Variants in CARD8 observed in about 807,000 individuals in gnomAD.
CARD8 encodes the protein caspase recruitment domain family member 8.
CARD8 carries 38 observed loss-of-function variants against 53.2 expected under a neutral mutation model. That is an observed-to-expected ratio of 0.71 (90% confidence interval 0.55 to 0.94). CARD8 has a LOEUF of 0.94. Ranked by LOEUF, CARD8 falls within the 40% of genes least tolerant of loss-of-function variation. The pLI is 0.00. For synonymous variants in CARD8, 245 were observed against 244.9 expected (o/e 1.00, Z 0.00); for missense variants, 561 against 655.5 (o/e 0.86, Z 1.57).
downstream of CARD8, among the ~76,000 whole-genome samples, chr19:48,206,745 C>A (rs2123537254): frequency 6.6e-6 from 1 of 152,256 alleles, no homozygotes; most frequent in South Asian, 2.1e-4. Flanking sequence ...TAAATCTGTG[C>A]TTTCGTTACT....
chr19:48,238,393 T>C lies in CARD8; in HGVS notation c.199A>G (p.Thr67Ala). 6.5e-7 allele frequency: 1 copy of C among 1,535,964 alleles called. No individual in the cohort carries two copies. The highest frequency in any genetic ancestry group is 1.2e-5 in the South Asian group (1 of 84,006). The part of the protein sequence containing the change: ...GIFFQAEACV[T>A]NDTVYRELPC... ...ATAGATGTCCCTTACGTATCATTTG[T>C]CACACAGGCCTCAGCCTGAAAAAAA... Residue 67 changes from threonine (T) to alanine (A), a missense_variant, in exon 5 of 14, where the codon ACA (threonine) becomes GCA (alanine). Thr to Ala is a moderately conservative substitution (Grantham distance 58). Transcript: ENST00000651546.
downstream of CARD8, among the ~76,000 whole-genome samples, chr19:48,206,006 T>C (rs1186656946): frequency 6.6e-6 from 1 of 152,128 alleles, no homozygotes; most frequent in Non-Finnish European, 1.5e-5. Context: ...CAAGCAATTC[T>C]CCTGCCTCAG....
At chr19:48,204,437 G>A (rs904133467), downstream of CARD8, among the ~76,000 whole-genome samples, 16 of 152,058 alleles carry the variant, frequency 1.1e-4, no homozygotes, top group African/African-American at 3.9e-4. Flanking sequence ...GGAGATTTGG[G>A]GAGATCATTG....
At chr19:48,246,269 G>A (rs1409588814) in intron 3 of CARD8, among the ~76,000 whole-genome samples, 6 of 152,210 alleles carry the variant, frequency 3.9e-5, no homozygotes, top group South Asian at 2.1e-4. Context: ...AACATGCCCC[G>A]TCCTTTTTGG....
chr19:48,205,623 T>C (rs1434252073), downstream of CARD8, among the ~76,000 whole-genome samples: 4 of 152,166 alleles, frequency 2.6e-5, no homozygotes, highest in African/African-American at 7.2e-5. Flanking sequence ...AACATTCCTA[T>C]GAGGTAGCGT....
intron 5 of CARD8, among the ~76,000 whole-genome samples, chr19:48,235,834 A>G (rs1039879042): frequency 1.3e-5 from 2 of 152,214 alleles, no homozygotes; most frequent in African/African-American, 4.8e-5. Flanking sequence ...ATCATTGACA[A>G]AAAAGGAAAG....
intron 7 of CARD8, chr19:48,232,056 C>A: frequency 1.7e-6 from 1 of 591,528 alleles, no homozygotes. Context: ...GGCTGGACAG[C>A]TTTGGTGGGA....
At position 48,208,983 on chromosome 19, in the gene CARD8, C is replaced by CAAAAAAAAAA. The variant is rs61047810; in HGVS notation, c.*2717_*2726dup. The CAAAAAAAAAA allele has an allele frequency of 2.1e-5, 1 of 48,136 alleles. No homozygotes were observed. Among genetic ancestry groups the CAAAAAAAAAA allele is most frequent in the Non-Finnish European group, 3.6e-5 (1 of 27,666 alleles). 3.0% of individuals were successfully genotyped at this position (48,136 alleles called of 1,614,324 possible). A position where few individuals can be genotyped will look rare whatever the true frequency, so the allele number is the denominator to read the frequency against. On this transcript the variant is annotated 3_prime_UTR_variant, in exon 14 of 14. Transcript: ENST00000651546. The stretch of plus-strand genomic sequence containing the variant: ...TAGATGACAGAGCGAGACTCCATCT[C>CAAAAAAAAAA]AAAAAAAAAAAAAAAAAAAAAAAAA...
Position 48,238,467 on chromosome 19 carries a change from A to G in CARD8, c.125T>C (p.Leu42Pro). 6.5e-7 allele frequency: 1 copy of G among 1,536,344 alleles called. No homozygotes were observed. Among genetic ancestry groups the G allele is most frequent in the Middle Eastern group, 1.7e-4 (1 of 5,994 alleles). The change falls in exon 5 of 14, where the codon CTG (leucine) becomes CCG (proline). Residue 42 changes from leucine (L) to proline (P), a missense_variant. Coordinates refer to ENST00000651546, the MANE Select transcript of CARD8 (RefSeq NM_001184900.3). The stretch of plus-strand genomic sequence containing the variant: ...TTCCCGTATGCTATTGTCAACCAAC[A>G]GTTTCCGTGATCCTTGTAGTCTAAT... ...KLIRLQGSRK[L>P]LVDNSIRELQ... is the part of the protein sequence containing the mutation.
chr19:48,204,304 G>GA (rs1275604511), downstream of CARD8: 97 of 418,434 alleles, frequency 2.3e-4, 1 homozygote, highest in Middle Eastern at 1.7e-3. Flanking sequence ...AACAGCCTGG[G>GA]AACTGGAGGG....
intron 11 of CARD8, among the ~76,000 whole-genome samples, chr19:48,220,498 G>A (rs2040260046): frequency 6.6e-6 from 1 of 152,156 alleles, no homozygotes. Flanking sequence ...AAATCACTGG[G>A]ATGTGTTTTC....
chr19:48,212,706 A>G (rs1390731325), intron 13 of CARD8, among the ~76,000 whole-genome samples: 4 of 152,138 alleles, frequency 2.6e-5, no homozygotes, highest in African/African-American at 9.7e-5. Context: ...CACATCCTAA[A>G]CATTATATTT....
At chr19:48,238,176 C>T in intron 5 of CARD8, 2 of 858,152 alleles carry the variant, frequency 2.3e-6, no homozygotes, top group Non-Finnish European at 1.7e-6. Context: ...CAGGTGTGAG[C>T]CACTGGGCTC....
intron 1 of CARD8, among the ~76,000 whole-genome samples, chr19:48,251,499 T>A (rs2046936652): frequency 6.6e-6 from 1 of 152,212 alleles, no homozygotes; most frequent in Admixed American, 6.5e-5. Flanking sequence ...TTCACATCAC[T>A]GAAACCGTAG....
At chr19:48,223,303 C>CA (rs576645325) in intron 10 of CARD8, among the ~76,000 whole-genome samples, 7,089 of 106,776 alleles carry the variant, frequency 0.066, 492 homozygotes, top group African/African-American at 0.2. Context: ...GACTCTGTCT[C>CA]AAAAAAAAAA....
rs570497883 is a variant in CARD8, at chr19:48,214,950, G to A, written c.1348+390C>T. On this transcript the variant is annotated intron_variant, in intron 13 of 13. Transcript: ENST00000651546. ...ACCACAGGTGCCCACCACCACGCCC[G>A]GCTAATTTTTTGTATTTAAGTAGAG... 4.9e-3 allele frequency among the ~76,000 whole-genome samples: 740 copies of A among 151,544 alleles called. 7 individuals are homozygous for A. The highest frequency in any genetic ancestry group is 0.017 in the African/African-American group (714 of 41,234).
chr19:48,248,982 G>C (rs990529553), intron 3 of CARD8, among the ~76,000 whole-genome samples: 1 of 152,240 alleles, frequency 6.6e-6, no homozygotes, highest in East Asian at 1.9e-4. Flanking sequence ...CGGATCACCT[G>C]AGATCAGGAG....
chr19:48,221,008 A>AGAAAAAGAAAG (rs1555806506), intron 11 of CARD8, among the ~76,000 whole-genome samples: 5 of 122,040 alleles, frequency 4.1e-5, no homozygotes, highest in African/African-American at 7.0e-5. Flanking sequence ...GAAAGAAAGA[A>AGAAAAAGAAAG]AAAGAAAGAA....
intron 10 of CARD8, among the ~76,000 whole-genome samples, chr19:48,224,993 T>A (rs1291963942): frequency 1.3e-5 from 2 of 151,846 alleles, no homozygotes; most frequent in Non-Finnish European, 2.9e-5. Context: ...GCCCTCGTGA[T>A]CCGCCCACCT....
Sources: gnomAD v4.1 joint callset for allele counts (sites outside exome capture counted in the v4.1 genomes callset) on GRCh38, gnomAD v4.1.1 for gene constraint, MANE v1.5 for transcripts, NCBI Gene and HGNC (gene_info 2026-07-23, HGNC 2026-07-21) for gene names.